Variants in DAB1 observed in about 807,000 individuals in gnomAD.
DAB1 encodes the protein disabled homolog 1.
Under a neutral mutation model 64.6 loss-of-function variants are expected in DAB1, and 15 were observed. The observed-to-expected ratio is 0.23, with a 90% CI of 0.16 to 0.36. The LOEUF (loss-of-function observed/expected upper bound fraction) is 0.36. Among genes scored for constraint, DAB1 ranks in the 10% least tolerant of loss-of-function variants. DAB1 has a pLI of 1.00. For missense variants in DAB1, 596 were observed against 706.7 expected (o/e 0.84, Z 1.78); for synonymous variants, 235 against 251.9 (o/e 0.93, Z 0.64).
chr1:58,256,592 G>A (rs538536271), intron 4 of DAB1, among the ~76,000 whole-genome samples: 4 of 152,314 alleles, frequency 2.6e-5, no homozygotes, highest in African/African-American at 9.6e-5. Flanking sequence ...TATACCTACT[G>A]TGTGCATTAG....
At chr1:57,927,544 C>A (rs1309165271) in intron 5 of DAB1, among the ~76,000 whole-genome samples, 3 of 151,984 alleles carry the variant, frequency 2.0e-5, no homozygotes, top group East Asian at 3.9e-4. Flanking sequence ...AACAAAAAAC[C>A]AACCATTTAT....
intron 6 of DAB1, among the ~76,000 whole-genome samples, chr1:57,741,168 A>G (rs1647972215): frequency 6.6e-6 from 1 of 152,166 alleles, no homozygotes; most frequent in African/African-American, 2.4e-5. Flanking sequence ...GCAAATGTCT[A>G]CAGAAGGTAT....
intron 4 of DAB1, among the ~76,000 whole-genome samples, chr1:58,184,220 A>G (rs138707231): frequency 0.011 from 1,649 of 151,610 alleles, 32 homozygotes; most frequent in African/African-American, 0.038. Flanking sequence ...CTACAGATAT[A>G]AATCACATTC....
intron 6 of DAB1, among the ~76,000 whole-genome samples, chr1:57,753,106 A>C (rs959854713): frequency 7.2e-5 from 11 of 152,112 alleles, no homozygotes; most frequent in Non-Finnish European, 1.5e-5. Flanking sequence ...CTGAGTCAGG[A>C]GGGAGTTCAC....
At chr1:57,553,437 AG>A (rs1644943241) in intron 7 of DAB1, among the ~76,000 whole-genome samples, 1 of 15,682 alleles carries the variant, frequency 6.4e-5, no homozygotes, top group South Asian at 0.014. Context: ...AAAGAAAGAA[AG>A]AAAGAGAAAG....
intron 7 of DAB1, among the ~76,000 whole-genome samples, chr1:57,607,524 T>C (rs970327520): frequency 6.6e-6 from 1 of 152,194 alleles, no homozygotes; most frequent in South Asian, 2.1e-4. Context: ...ATACCTAAAA[T>C]GTATTCCTTT....
At chr1:57,543,817 A>G in intron 7 of DAB1, among the ~76,000 whole-genome samples, 1 of 152,194 alleles carries the variant, frequency 6.6e-6, no homozygotes, top group East Asian at 1.9e-4. Flanking sequence ...TAAAAAGAAC[A>G]TATAGCCAGG....
At chr1:57,901,860 A>AGAT (rs1644478841) in intron 5 of DAB1, among the ~76,000 whole-genome samples, 1 of 152,096 alleles carries the variant, frequency 6.6e-6, no homozygotes, top group African/African-American at 2.4e-5. Context: ...AAATGATGTG[A>AGAT]GATTGGAGAA....
At chr1:57,112,867 G>A (rs1655790764) in intron 4 of DAB1, among the ~76,000 whole-genome samples, 1 of 151,928 alleles carries the variant, frequency 6.6e-6, no homozygotes, top group African/African-American at 2.4e-5. Flanking sequence ...CAGTTTCCAA[G>A]CCTAAGAAAA....
intron 1 of DAB1, among the ~76,000 whole-genome samples, chr1:57,338,868 C>T (rs544741700): frequency 2.6e-5 from 4 of 152,128 alleles, no homozygotes; most frequent in African/African-American, 7.2e-5. Flanking sequence ...CTGAGAGGAA[C>T]AAATGAAGTA....
chr1:58,504,459 T>G lies in DAB1; in HGVS notation n.257+1601A>C, dbSNP rs115242622. On this transcript the variant is annotated intron_variant and non_coding_transcript_variant, in intron 3 of 20. Coordinates refer to the DAB1 transcript ENST00000485760. ...TGAGGCCTTCCTTGACAACCGAACA[T>G]AGACTAGTACCCCTTCTCTGCTGCC... Among the ~76,000 whole-genome samples the G allele has an allele frequency of 8.0e-3, 1,213 of 152,312 alleles. 14 individuals carry two copies. Among genetic ancestry groups the G allele is most frequent in the African/African-American group, 0.027 (1,126 of 41,576 alleles).
chr1:58,160,238 G>T (rs1309449830), intron 4 of DAB1, among the ~76,000 whole-genome samples: 1 of 152,106 alleles, frequency 6.6e-6, no homozygotes, highest in Non-Finnish European at 1.5e-5. Flanking sequence ...GTCTGTCTCT[G>T]AATGGCTCTG....
chr1:57,984,905 T>C (rs1219184048), intron 5 of DAB1, among the ~76,000 whole-genome samples: 2 of 132,622 alleles, frequency 1.5e-5, no homozygotes, highest in African/African-American at 5.1e-5. Context: ...AAACCTGCTT[T>C]AGTTGTTGTT....
chr1:57,043,849 G>GA (rs11366894), intron 9 of DAB1, among the ~76,000 whole-genome samples: 5,344 of 140,226 alleles, frequency 0.038, 277 homozygotes, highest in African/African-American at 0.12. Context: ...TCCTACTCAA[G>GA]AAAAAAAAAA....
At chr1:58,146,268 C>T (rs1313729749) in intron 5 of DAB1, among the ~76,000 whole-genome samples, 3 of 152,040 alleles carry the variant, frequency 2.0e-5, no homozygotes, top group East Asian at 1.9e-4. Flanking sequence ...GTTCAAGGGT[C>T]GACTGTACAC....
At chr1:57,070,840 A>T (rs1651386513) in intron 7 of DAB1, 183 bp downstream of exon 7, 1 of 651,394 alleles carries the variant, frequency 1.5e-6, no homozygotes. Flanking sequence ...GATGCCGGCC[A>T]AACTTCTGTT....
chr1:57,030,893 G>C (rs569409257), intron 9 of DAB1, among the ~76,000 whole-genome samples: 1 of 152,284 alleles, frequency 6.6e-6, no homozygotes, highest in East Asian at 1.9e-4. Flanking sequence ...GCAACTCTAT[G>C]CTTTTAAAAT....
At chr1:57,349,770 A>G (rs1175501708) in intron 1 of DAB1, among the ~76,000 whole-genome samples, 1 of 152,176 alleles carries the variant, frequency 6.6e-6, no homozygotes, top group Admixed American at 6.5e-5. Context: ...AAATCAAAAT[A>G]AAGATCCGGA....
intron 5 of DAB1, among the ~76,000 whole-genome samples, chr1:57,979,580 T>C (rs1158095436): frequency 6.6e-6 from 1 of 152,088 alleles, no homozygotes; most frequent in African/African-American, 2.4e-5. Context: ...AATAGAATAA[T>C]ACATAAATAA....
Sources: allele counts gnomAD v4.1 joint callset (sites outside exome capture counted in the v4.1 genomes callset), GRCh38; gene constraint gnomAD v4.1.1; transcripts MANE v1.5; gene names NCBI Gene and HGNC (gene_info 2026-07-23, HGNC 2026-07-21).